FHOD3: variants seen among roughly 807,000 people sequenced by gnomAD.
FHOD3 encodes formin homology 2 domain containing 3.
FHOD3 carries 90 observed loss-of-function variants against 173.0 expected under a neutral mutation model. The observed-to-expected ratio is 0.52, with a 90% CI of 0.44 to 0.62. The LOEUF (loss-of-function observed/expected upper bound fraction) is 0.62. Among genes scored for constraint, FHOD3 ranks in the 20% least tolerant of loss-of-function variants. The pLI, the probability that FHOD3 is intolerant of heterozygous loss-of-function variation, is 0.00. For missense variants in FHOD3, 1,945 were observed against 2,034.7 expected (o/e 0.96, Z 0.85); for synonymous variants, 828 against 823.0 (o/e 1.01, Z -0.10).
intron 16 of FHOD3, among the ~76,000 whole-genome samples, chr18:36,687,672 C>T (rs2038712854): frequency 6.6e-6 from 1 of 152,194 alleles, no homozygotes; most frequent in Non-Finnish European, 1.5e-5. Context: ...GCCTAGATTT[C>T]CTTTATTTCC....
At chr18:36,508,283 A>ATTT (rs2055419426) in intron 4 of FHOD3, among the ~76,000 whole-genome samples, 2 of 147,138 alleles carry the variant, frequency 1.4e-5, no homozygotes, top group East Asian at 2.2e-4. Context: ...TTTTTTTTTA[A>ATTT]AAAAAGCTAG....
At chr18:36,697,604 G>A (rs764041580) in intron 17 of FHOD3, among the ~76,000 whole-genome samples, 64 of 152,288 alleles carry the variant, frequency 4.2e-4, no homozygotes, top group Non-Finnish European at 9.0e-4. Context: ...TTGGATTCCA[G>A]GGTATTTCCA....
intron 3 of FHOD3, among the ~76,000 whole-genome samples, chr18:36,385,805 A>C (rs1415973047): frequency 6.6e-6 from 1 of 152,212 alleles, no homozygotes; most frequent in Non-Finnish European, 1.5e-5. Context: ...GAAATGAAGT[A>C]GGTTTTGTGA....
At chr18:36,357,674 G>A (rs1247110154) in intron 2 of FHOD3, among the ~76,000 whole-genome samples, 1 of 152,182 alleles carries the variant, frequency 6.6e-6, no homozygotes, top group African/African-American at 2.4e-5. Flanking sequence ...CATTGCAATA[G>A]TTTTTATCAA....
intron 3 of FHOD3, among the ~76,000 whole-genome samples, chr18:36,438,662 T>C (rs2050949347): frequency 6.6e-6 from 1 of 152,172 alleles, no homozygotes; most frequent in African/African-American, 2.4e-5. Flanking sequence ...CACATATTGC[T>C]CAGGTATGGA....
intron 3 of FHOD3, among the ~76,000 whole-genome samples, chr18:36,496,838 T>C (rs1001844335): frequency 1.3e-5 from 2 of 152,344 alleles, no homozygotes; most frequent in East Asian, 3.9e-4. Flanking sequence ...GCTAGCCATT[T>C]GTATGAAGGA....
chr18:36,389,295 A>G (rs946253212), intron 3 of FHOD3, among the ~76,000 whole-genome samples: 1 of 152,146 alleles, frequency 6.6e-6, no homozygotes, highest in African/African-American at 2.4e-5. Flanking sequence ...CCAGACCCCA[A>G]CACTGAAGAA....
intron 2 of FHOD3, among the ~76,000 whole-genome samples, chr18:36,371,496 A>G (rs911413783): frequency 6.6e-6 from 1 of 152,162 alleles, no homozygotes; most frequent in African/African-American, 2.4e-5. Context: ...CACTATCACA[A>G]GAATGCCCCT....
intron 1 of FHOD3, among the ~76,000 whole-genome samples, chr18:36,332,698 G>A (rs561564656): frequency 1.3e-5 from 2 of 152,334 alleles, no homozygotes; most frequent in African/African-American, 4.8e-5. Context: ...CTGCTAGGCA[G>A]GTTCTGTGCC....
At chr18:36,607,152 C>G (rs1057221366) in intron 8 of FHOD3, among the ~76,000 whole-genome samples, 2 of 152,272 alleles carry the variant, frequency 1.3e-5, no homozygotes, top group Non-Finnish European at 2.9e-5. Context: ...AGTGGCTTCA[C>G]CCTGTGACAA....
chr18:36,585,119 T>C (rs2058984310), intron 6 of FHOD3, among the ~76,000 whole-genome samples: 1 of 152,254 alleles, frequency 6.6e-6, no homozygotes, highest in Admixed American at 6.5e-5. Flanking sequence ...CATTCGACTT[T>C]TCTCATCTTG....
rs1189038630 is a variant in FHOD3 at position 36,524,213 on chromosome 18, C to T, written c.511+11670C>T. Among the ~76,000 whole-genome samples the T allele has an allele frequency of 8.0e-5, 12 of 149,470 alleles. No individual in the cohort carries two copies. In the South Asian group the frequency reaches 1.9e-3, roughly 24 times the overall value. On this transcript the variant is annotated intron_variant, in intron 5 of 28. Coordinates refer to ENST00000590592, the MANE Select transcript of FHOD3 (RefSeq NM_001281740.3). ...AGGAGAATCGCTTGAATTCAGGAAG[C>T]GGAGGTTGCAGTGAACCGAGACTGT...
intron 3 of FHOD3, among the ~76,000 whole-genome samples, chr18:36,485,200 G>A (rs773501593): frequency 6.6e-6 from 1 of 152,154 alleles, no homozygotes; most frequent in South Asian, 2.1e-4. Flanking sequence ...CCAGTCAGAG[G>A]TTGGTTCACA....
intron 6 of FHOD3, among the ~76,000 whole-genome samples, chr18:36,582,966 G>A (rs530100671): frequency 5.3e-5 from 8 of 152,228 alleles, no homozygotes; most frequent in African/African-American, 1.7e-4. Context: ...CATTGATTGT[G>A]GGCCAGAGTT....
At chr18:36,312,927 G>A (rs902457382) in intron 1 of FHOD3, among the ~76,000 whole-genome samples, 2 of 152,168 alleles carry the variant, frequency 1.3e-5, no homozygotes, top group Non-Finnish European at 2.9e-5. Context: ...CTGTCATGAG[G>A]GTGCAGCTGG....
chr18:36,577,500 C>T (rs2058699646), intron 6 of FHOD3, among the ~76,000 whole-genome samples: 1 of 152,120 alleles, frequency 6.6e-6, no homozygotes, highest in South Asian at 2.1e-4. Context: ...AAAGTTTCAC[C>T]ATGTTGGCCA....
chr18:36,422,359 A>G (rs1389250088), intron 3 of FHOD3, among the ~76,000 whole-genome samples: 2 of 152,210 alleles, frequency 1.3e-5, no homozygotes, highest in African/African-American at 4.8e-5. Context: ...CCATGTATAT[A>G]GGAATCCTAT....
chr18:36,650,432 C>T (rs923946818), intron 11 of FHOD3, among the ~76,000 whole-genome samples: 2 of 152,108 alleles, frequency 1.3e-5, no homozygotes, highest in Admixed American at 1.3e-4. Context: ...TGATTGCTTG[C>T]CCCTATTTGG....
At chr18:36,672,624 C>T (rs1235335514) in intron 14 of FHOD3, among the ~76,000 whole-genome samples, 1 of 152,204 alleles carries the variant, frequency 6.6e-6, no homozygotes, top group Non-Finnish European at 1.5e-5. Flanking sequence ...TTTCTGATTG[C>T]TACATTGGCC....
Sources: allele counts gnomAD v4.1 joint callset (sites outside exome capture counted in the v4.1 genomes callset), GRCh38; gene constraint gnomAD v4.1.1; transcripts MANE v1.5; gene names NCBI Gene and HGNC (gene_info 2026-07-23, HGNC 2026-07-21).